Variants in RNF31 observed in about 807,000 individuals in gnomAD.
The protein encoded by RNF31 is ring finger protein 31.
Under a neutral mutation model 133.6 loss-of-function variants are expected in RNF31, and 38 were observed. The observed-to-expected ratio is 0.28, with a 90% confidence interval of 0.22 to 0.37. The LOEUF is 0.37. Ranked by LOEUF, RNF31 falls within the 10% of genes least tolerant of loss-of-function variation. RNF31 has a pLI of 1.00. For missense variants in RNF31, 1,118 were observed against 1,394.1 expected (o/e 0.80, Z 3.15); for synonymous variants, 582 against 552.3 (o/e 1.05, Z -0.75).
intron 16 of RNF31, 99 bp downstream of exon 16, chr14:24,157,737 G>T: frequency 8.5e-7 from 1 of 1,175,332 alleles, no homozygotes. Flanking sequence ...AAGAGAAGAG[G>T]TCAACGGGAT....
chr14:24,160,151 G>A lies in RNF31; in HGVS notation c.2997-88G>A, dbSNP rs1295344951. The stretch of plus-strand genomic sequence containing the variant: ...CACAGGTGGGTTGTTAATCTTGTTC[G>A]TCCAGGTGTCTCAGAGTCCAGCTAT... On this transcript the variant is annotated intron_variant, in intron 19 of 20. Coordinates refer to ENST00000324103, the MANE Select transcript of RNF31 (RefSeq NM_017999.5). This position sits in a 1 kb window ranked among gnomAD's most constrained non-coding sequence, Gnocchi z 4.0. The A allele has an allele frequency of 4.4e-5, 65 of 1,478,798 alleles. No individual in the cohort carries two copies. Among genetic ancestry groups the A allele is most frequent in the Non-Finnish European group, 5.1e-5 (56 of 1,088,672 alleles). The allele number at this position is 1,478,798 out of a possible 1,614,324, so 91.6% of individuals were successfully genotyped here.
intron 11 of RNF31, among the ~76,000 whole-genome samples, chr14:24,153,369 G>C (rs1268893510): frequency 2.0e-5 from 3 of 151,934 alleles, no homozygotes; most frequent in Admixed American, 2.0e-4. Flanking sequence ...ACGAGGTCAA[G>C]AGATTGAGAC....
intron 14 of RNF31, 127 bp from the exon 15 acceptor site, chr14:24,157,163 G>A (rs2038352964): frequency 3.1e-6 from 2 of 639,424 alleles, no homozygotes; most frequent in Admixed American, 3.0e-5. Flanking sequence ...TTTGAGATCT[G>A]AGCAAATGGT....
At chr14:24,147,493 C>G (rs1429297302), upstream of RNF31, 4 of 421,220 alleles carry the variant, frequency 9.5e-6, no homozygotes, top group Admixed American at 4.5e-5. Flanking sequence ...GTCCCACCCT[C>G]TCTCCTAGTA....
chr14:24,152,309 G>T (rs937710907), intron 11 of RNF31, among the ~76,000 whole-genome samples: 1 of 152,068 alleles, frequency 6.6e-6, no homozygotes, highest in Non-Finnish European at 1.5e-5. Context: ...AACATGATCA[G>T]TCTTTATTTC....
Position 24,151,897 on chromosome 14 carries a change from G to T in RNF31, c.2035G>T (p.Val679Leu). ...TPRNYELGDV[V>L]EAVRHSQDRA... ...CAGGAACTATGAGTTGGGGGATGTG[G>T]TAGAAGCTGTGAGGCACAGCCAGGA... The change falls in exon 11 of 21, where the codon GTA becomes TTA. Residue 679 changes from valine (V) to leucine (L), a missense_variant. By Grantham distance (32) the Val-to-Leu change is conservative. Around this residue, in one of 3 missense-constraint regions of RNF31, gnomAD observed 201 missense variants for 371.7 expected, o/e 0.54. Transcript: ENST00000324103. This position sits in a 1 kb window ranked among gnomAD's most constrained non-coding sequence, Gnocchi z 5.3. 1 of 1,614,222 alleles carries T rather than the reference G, an allele frequency of 6.2e-7. No homozygotes were observed. Among genetic ancestry groups the T allele is most frequent in the Non-Finnish European group, 8.5e-7 (1 of 1,180,036 alleles).
intron 14 of RNF31, 74 bp from the exon 15 acceptor site, chr14:24,157,216 G>A (rs2038353973): frequency 9.0e-7 from 1 of 1,111,210 alleles, no homozygotes; most frequent in Non-Finnish European, 1.3e-6. Context: ...CACTGGATGT[G>A]AGTGGAGGGG....
Position 24,150,113 on chromosome 14 carries a change from G to A in RNF31, c.862G>A (p.Gly288Arg). 6.2e-7 allele frequency: 1 copy of A among 1,605,646 alleles called. No homozygotes were observed. Among genetic ancestry groups the A allele is most frequent in the Non-Finnish European group, 8.5e-7 (1 of 1,173,638 alleles). Residue 288 changes from glycine (G) to arginine (R), a missense_variant, in exon 7 of 21, where the codon GGA (glycine) becomes AGA (arginine). By Grantham distance (125) the Gly-to-Arg change is moderately radical. This residue lies in a region of RNF31 where 747 missense variants were observed against 827.9 expected (regional missense o/e 0.90). Coordinates refer to ENST00000324103, the MANE Select transcript of RNF31 (RefSeq NM_017999.5). ...RPQSTSLLAL[G>R]DSSLSSPNPA... ...CCAGTCGACCTCCCTGCTGGCCCTGGGAGACAGCTCTCTTTCTTCCCCTAA... is the reference window on the plus strand; with the variant it reads ...CCAGTCGACCTCCCTGCTGGCCCTGAGAGACAGCTCTCTTTCTTCCCCTAA...
chr14:24,149,304 C>T (rs2038227624), intron 5 of RNF31, 102 bp from the exon 6 acceptor site: 1 of 1,210,590 alleles, frequency 8.3e-7, no homozygotes, highest in Non-Finnish European at 1.2e-6. Context: ...TCCTTGGGTC[C>T]AGATGTTTAA....
chr14:24,151,290 TC>T lies in RNF31; in HGVS notation c.1650del (p.Cys551ValfsTer23). On this transcript the variant is annotated frameshift_variant, in exon 9 of 21. Coordinates refer to ENST00000324103, the MANE Select transcript of RNF31 (RefSeq NM_017999.5). LOFTEE classifies it high-confidence loss of function. This position sits in a 1 kb window ranked among gnomAD's most constrained non-coding sequence, Gnocchi z 5.3. ...GCAGGACCCTGGGCTGGGTGCCTTTTCCTGTCAGGAGGCCCGGAGAGCCTGG... is the reference window on the plus strand; with the variant it reads ...GCAGGACCCTGGGCTGGGTGCCTTTTCTGTCAGGAGGCCCGGAGAGCCTGG... ...GQQDPGLGAF[S>X]CQEARRAWLD... The T allele has an allele frequency of 6.2e-7, 1 of 1,614,200 alleles. No individual in the cohort carries two copies. Among genetic ancestry groups the T allele is most frequent in the Non-Finnish European group, 8.5e-7 (1 of 1,180,034 alleles).
At position 24,151,404 on chromosome 14, in the gene RNF31, T is replaced by C; in HGVS notation, c.1737+25T>C. On this transcript the variant is annotated intron_variant, in intron 9 of 20. Transcript: ENST00000324103. This position sits in a 1 kb window ranked among gnomAD's most constrained non-coding sequence, Gnocchi z 5.3. ...GGTATCAGCTGTGCTGGATATGGGA[T>C]AGGGTCGAGAGTCTGCATCTCTCAC... 1 of 1,613,962 alleles carries C rather than the reference T, an allele frequency of 6.2e-7. No individual in the cohort carries two copies. Among genetic ancestry groups the C allele is most frequent in the South Asian group, 1.1e-5 (1 of 91,090 alleles).
chr14:24,150,889 G>A lies in RNF31; in HGVS notation c.1488+1G>A. On this transcript the variant is annotated splice_donor_variant, in intron 8 of 20. Coordinates refer to ENST00000324103, the MANE Select transcript of RNF31 (RefSeq NM_017999.5). LOFTEE classifies it high-confidence loss of function. ...CCTCCAGCTAGTGAGCATGATCCGG[G>A]TAAGGACTGGGCCTGCGATGAGGTA... 1 of 1,551,686 alleles carries A rather than the reference G, an allele frequency of 6.4e-7. No homozygotes were observed. The highest frequency in any genetic ancestry group is 8.7e-7 in the Non-Finnish European group (1 of 1,148,532).
At chr14:24,158,988 G>T (rs1187766691) in intron 18 of RNF31, among the ~76,000 whole-genome samples, 1 of 134,942 alleles carries the variant, frequency 7.4e-6, no homozygotes, top group South Asian at 2.3e-4. Flanking sequence ...AGCAGAGATG[G>T]CGCCACCGCA....
chr14:24,149,120 C>T (rs879249416), intron 5 of RNF31: 24 of 594,760 alleles, frequency 4.0e-5, no homozygotes, highest in Admixed American at 2.4e-4. Context: ...TGCGCCACCG[C>T]GCTCGGCTAA....
intron 18 of RNF31, among the ~76,000 whole-genome samples, chr14:24,158,885 T>C (rs923883567): frequency 6.6e-6 from 1 of 150,964 alleles, no homozygotes; most frequent in Non-Finnish European, 1.5e-5. Context: ...TACAAAAAAT[T>C]AGCCGGGCGT....
chr14:24,160,417 C>T lies in RNF31; in HGVS notation c.3165+10C>T. On this transcript the variant is annotated intron_variant, in intron 20 of 20. Coordinates refer to ENST00000324103, the MANE Select transcript of RNF31 (RefSeq NM_017999.5). This position sits in a 1 kb window ranked among gnomAD's most constrained non-coding sequence, Gnocchi z 4.0. The stretch of plus-strand genomic sequence containing the variant: ...GGCCCGCTTGTTACAGGTATAGCCT[C>T]CACCCAGCCTCATCTCTTAACCCAC... 6.2e-7 allele frequency: 1 copy of T among 1,612,424 alleles called. No homozygotes were observed. Among genetic ancestry groups the T allele is most frequent in the Non-Finnish European group, 8.5e-7 (1 of 1,178,766 alleles).
chr14:24,159,705 G>A (rs140899603), intron 18 of RNF31, 159 bp from the exon 19 acceptor site: 14 of 614,512 alleles, frequency 2.3e-5, no homozygotes, highest in South Asian at 1.8e-4. Context: ...TGCCGTTGAC[G>A]GCACCTCTGA....
upstream of RNF31, chr14:24,147,220 A>G (rs58169705): frequency 4.4e-3 from 695 of 159,354 alleles, 4 homozygotes; most frequent in African/African-American, 0.016. Context: ...GGACTGGTCC[A>G]GCTAGAAAAA....
chr14:24,149,612 T>C lies in RNF31; in HGVS notation c.809+29T>C, dbSNP rs566167878. The C allele has an allele frequency of 4.4e-6, 7 of 1,593,632 alleles. No homozygotes were observed. The South Asian group carries it at 7.8e-5, about 18-fold the overall frequency. ...AGAGGGCTTCTCTTCTGGGTGGGAG[T>C]GAAATTTAGAGAACTTAAGATCACT... On this transcript the variant is annotated intron_variant, in intron 6 of 20. Transcript: ENST00000324103.
Sources: gnomAD v4.1 joint callset for allele counts (sites outside exome capture counted in the v4.1 genomes callset) on GRCh38, gnomAD v4.1.1 for gene constraint, gnomAD v4.1.1 regional missense constraint, Gnocchi (gnomAD v3.1) non-coding constraint, MANE v1.5 for transcripts, NCBI Gene and HGNC (gene_info 2026-07-23, HGNC 2026-07-21) for gene names.